The following ADAM2 variants were observed in gnomAD, a reference collection of about 807,000 sequenced individuals.
ADAM2 encodes the protein ADAM metallopeptidase domain 2, also known as disintegrin and metalloproteinase domain-containing protein 2.
ADAM2 carries 101 observed loss-of-function variants against 99.3 expected under a neutral mutation model. The ratio of observed to expected loss-of-function variants is 1.02; its 90% CI spans 0.87 to 1.20. The LOEUF (loss-of-function observed/expected upper bound fraction) is 1.20, where lower values mean the gene tolerates loss of function less well. ADAM2 is among the 50% of genes most tolerant of loss of function. The probability of loss-of-function intolerance (pLI) is 0.00; values close to 1 mark genes in which losing one functional copy is unlikely to be tolerated. For synonymous variants in ADAM2, 323 were observed against 287.6 expected, an observed-to-expected ratio of 1.12 and a Z score of -1.25; for missense variants, 948 against 878.7, an observed-to-expected ratio of 1.08 and a Z score of -1.00.
chr8:39,809,469 G>A lies in ADAM2; in HGVS notation c.514-3C>T. ...TACTTTGCAAAATCTTGCTGTGGCT[G>A]AAAAAATCCACAAATTTTACATCAA... On this transcript the variant is annotated splice_region_variant and splice_polypyrimidine_tract_variant and intron_variant, in intron 6 of 20. Coordinates refer to ENST00000265708, the MANE Select transcript of ADAM2 (RefSeq NM_001464.5). 1 of 1,395,000 alleles carries A rather than the reference G, an allele frequency of 7.2e-7. No homozygotes were observed. The highest frequency in any genetic ancestry group is 1.2e-5 in the South Asian group (1 of 80,534). The allele number at this position is 1,395,000 out of a possible 1,614,324, so 86.4% of individuals were successfully genotyped here.
intron 9 of ADAM2, among the ~76,000 whole-genome samples, chr8:39,787,849 C>A (rs1345786429): frequency 6.6e-6 from 1 of 151,392 alleles, no homozygotes; most frequent in African/African-American, 2.4e-5. Context: ...GTGGTATATA[C>A]CCTAGGGAAA....
At chr8:39,778,512 A>G (rs767987304) in intron 10 of ADAM2, among the ~76,000 whole-genome samples, 1 of 152,150 alleles carries the variant, frequency 6.6e-6, no homozygotes, top group Admixed American at 6.6e-5. Context: ...TCTTCCCTCC[A>G]TCAACACTTG....
chr8:39,744,567 A>G (rs1230669882), intron 20 of ADAM2, among the ~76,000 whole-genome samples: 1 of 151,990 alleles, frequency 6.6e-6, no homozygotes. Context: ...TCTCACTCAT[A>G]AGTGGGAGCT....
chr8:39,779,213 AG>A (rs1352897170), intron 10 of ADAM2, among the ~76,000 whole-genome samples: 3 of 152,136 alleles, frequency 2.0e-5, no homozygotes, highest in Non-Finnish European at 2.9e-5. Flanking sequence ...TCGCAGTTCT[AG>A]AAGTCCAAGA....
chr8:39,821,677 A>T lies in ADAM2; in HGVS notation c.268-15T>A, dbSNP rs1805195100. ...TGGCAGAAATTCTGAAAGATAAAAT[A>T]CACATATCTCCATTAGAATGGTTTG... On this transcript the variant is annotated splice_polypyrimidine_tract_variant and intron_variant, in intron 4 of 20. Transcript: ENST00000265708. 1.3e-6 allele frequency: 2 copies of T among 1,514,722 alleles called. No homozygotes were observed. Among genetic ancestry groups the T allele is most frequent in the Admixed American group, 1.7e-5 (1 of 59,756 alleles). 93.8% of individuals were successfully genotyped at this position (1,514,722 alleles called of 1,614,324 possible).
chr8:39,773,905 C>G (rs374908335), intron 11 of ADAM2, among the ~76,000 whole-genome samples: 2 of 151,912 alleles, frequency 1.3e-5, no homozygotes, highest in South Asian at 2.1e-4. Flanking sequence ...ATCTGTATCA[C>G]TCATTAATAT....
intron 3 of ADAM2, among the ~76,000 whole-genome samples, chr8:39,827,366 A>G (rs1805450793): frequency 6.6e-6 from 1 of 152,142 alleles, no homozygotes; most frequent in Non-Finnish European, 1.5e-5. Flanking sequence ...TGTATGATTC[A>G]GCCGTCCCTT....
In ADAM2 at chr8:39,788,229, G is replaced by A. The variant is rs543250139; in HGVS notation, c.665C>T (p.Thr222Ile). ...TNAIFVSFNI[T>I]IILSSLELWI... ...AAGCTCCAATGAAGACAGAATAATT[G>A]TAATATTAAATGAAACAAAAATCTA... The change falls in exon 9 of 21, where the codon ACA (threonine) becomes ATA (isoleucine). Residue 222 changes from threonine (T) to isoleucine (I), a missense_variant. Physicochemically the swap from Thr to Ile is moderately conservative, Grantham distance 89 (BLOSUM62 -1). Transcript: ENST00000265708. 39 of 1,523,492 alleles carry A rather than the reference G, an allele frequency of 2.6e-5. No individual in the cohort carries two copies. In the East Asian group the frequency reaches 6.7e-4, roughly 26 times the overall value. 94.4% of individuals were successfully genotyped at this position (1,523,492 alleles called of 1,614,324 possible).
rs1165215887 is a variant in ADAM2 at position 39,767,143 on chromosome 8, A to G, written c.1311+10T>C. On this transcript the variant is annotated intron_variant, in intron 13 of 20. Transcript: ENST00000265708. ...GTAGGTAATATTGAAATTTTTCAAA[A>G]AGCTCTTACTAGACAGTTTTCGCAG... 1 of 1,601,704 alleles carries G rather than the reference A, an allele frequency of 6.2e-7. No homozygotes were observed. Among genetic ancestry groups the G allele is most frequent in the Admixed American group, 1.8e-5 (1 of 55,622 alleles).
At chr8:39,824,329 A>G (rs867083797) in intron 4 of ADAM2, among the ~76,000 whole-genome samples, 1 of 150,538 alleles carries the variant, frequency 6.6e-6, no homozygotes, top group Non-Finnish European at 1.5e-5. Context: ...TGGCAATTTT[A>G]TTCACTCTTC....
In ADAM2 at chr8:39,788,750, AT is replaced by A; in HGVS notation, c.571-11del. ...ACCCCATATGATTATACTGTAAAAT[AT>A]TATTACATTTTAGATATAAATATAT... On this transcript the variant is annotated splice_polypyrimidine_tract_variant and intron_variant, in intron 7 of 20. Coordinates refer to ENST00000265708, the MANE Select transcript of ADAM2 (RefSeq NM_001464.5). 7.2e-7 allele frequency: 1 copy of A among 1,391,078 alleles called. No homozygotes were observed. The highest frequency in any genetic ancestry group is 9.7e-7 in the Non-Finnish European group (1 of 1,028,472). The allele number at this position is 1,391,078 out of a possible 1,614,324, so 86.2% of individuals were successfully genotyped here.
At chr8:39,802,191 G>A (rs1422064204) in intron 7 of ADAM2, among the ~76,000 whole-genome samples, 2 of 152,208 alleles carry the variant, frequency 1.3e-5, no homozygotes, top group Non-Finnish European at 2.9e-5. Context: ...GCTGGGTTGT[G>A]TGCTCACTCA....
intron 12 of ADAM2, 70 bp from the exon 13 acceptor site, chr8:39,767,321 A>G (rs1227304181): frequency 2.3e-6 from 3 of 1,300,746 alleles, no homozygotes; most frequent in Non-Finnish European, 3.3e-6. Context: ...ATGTTCATAA[A>G]GACAACATAT....
chr8:39,800,324 C>A (rs368911441), intron 7 of ADAM2, among the ~76,000 whole-genome samples: 3 of 152,234 alleles, frequency 2.0e-5, no homozygotes, highest in African/African-American at 7.2e-5. Flanking sequence ...GTTGAAAATT[C>A]TTTTCTTTAA....
intron 7 of ADAM2, among the ~76,000 whole-genome samples, chr8:39,799,675 C>A (rs1417817371): frequency 6.6e-6 from 1 of 152,174 alleles, no homozygotes. Flanking sequence ...GTCCAAGTCT[C>A]TTTGTAGATC....
Position 39,812,463 on chromosome 8 carries a change from G to A in ADAM2, c.514-2997C>T, listed in dbSNP as rs559525091. On this transcript the variant is annotated intron_variant, in intron 6 of 20. Transcript: ENST00000265708. The stretch of plus-strand genomic sequence containing the variant: ...ATGGAACCAAAAATGAGCCCGCATA[G>A]CCAAGACAATCCTAAGCCAAAAGAA... 5.9e-5 allele frequency among the ~76,000 whole-genome samples: 9 copies of A among 152,258 alleles called. 1 individual carries two copies. In the East Asian group the frequency reaches 1.7e-3, roughly 29 times the overall value.
chr8:39,817,494 G>A (rs904811481), intron 6 of ADAM2, among the ~76,000 whole-genome samples: 8 of 152,050 alleles, frequency 5.3e-5, no homozygotes, highest in Admixed American at 1.3e-4. Flanking sequence ...AATTTTGAAT[G>A]TTCCCAACAT....
At chr8:39,818,998 G>A (rs1402130726) in intron 6 of ADAM2, among the ~76,000 whole-genome samples, 2 of 151,760 alleles carry the variant, frequency 1.3e-5, no homozygotes, top group Non-Finnish European at 2.9e-5. Flanking sequence ...CACAATCCTG[G>A]GTGCCATTTT....
At chr8:39,810,476 T>C (rs1220253804) in intron 6 of ADAM2, among the ~76,000 whole-genome samples, 2 of 152,176 alleles carry the variant, frequency 1.3e-5, no homozygotes, top group Non-Finnish European at 2.9e-5. Flanking sequence ...ATCAACAGAA[T>C]ATACATTCTT....
Sources: allele counts gnomAD v4.1 joint callset (sites outside exome capture counted in the v4.1 genomes callset), GRCh38; gene constraint gnomAD v4.1.1; transcripts MANE v1.5; gene names NCBI Gene and HGNC (gene_info 2026-07-23, HGNC 2026-07-21).